The following SMURF2 variants were observed in gnomAD, a reference collection of about 807,000 sequenced individuals.
SMURF2 encodes the protein SMAD specific E3 ubiquitin protein ligase 2, also known as E3 ubiquitin-protein ligase SMURF2.
A neutral mutation model predicts 109.6 loss-of-function variants in SMURF2; 48 were observed. The observed-to-expected ratio is 0.44, with a 90% CI of 0.35 to 0.56. SMURF2 has a LOEUF of 0.56. Ranked by LOEUF, SMURF2 falls within the 20% of genes least tolerant of loss-of-function variation. The probability of loss-of-function intolerance (pLI) is 0.01; values close to 1 mark genes in which losing one functional copy is unlikely to be tolerated. For synonymous variants in SMURF2, 288 were observed against 317.1 expected (o/e 0.91, Z 0.97); for missense variants, 575 against 909.0 (o/e 0.63, Z 4.72).
In SMURF2 at chr17:64,555,006, G is replaced by C. The variant is rs781801641; in HGVS notation, c.1611-13C>G. 5.6e-6 allele frequency: 9 copies of C among 1,608,370 alleles called. No individual in the cohort carries two copies. Among genetic ancestry groups the C allele is most frequent in the South Asian group, 1.1e-5 (1 of 89,738 alleles). On this transcript the variant is annotated splice_polypyrimidine_tract_variant and intron_variant, in intron 14 of 18. Coordinates refer to ENST00000262435, the MANE Select transcript of SMURF2 (RefSeq NM_022739.4). ...AATATCATTCTCACTGGATAGGAAA[G>C]AGGAAAAGATATGTAACTGGGAAAC...
chr17:64,605,118 A>G (rs1555688915), intron 2 of SMURF2, among the ~76,000 whole-genome samples: 1 of 151,148 alleles, frequency 6.6e-6, no homozygotes, highest in African/African-American at 2.4e-5. Flanking sequence ...GTAGGAAGTG[A>G]GCAGCAGCCT....
At chr17:64,654,241 T>C (rs887898951) in intron 1 of SMURF2, among the ~76,000 whole-genome samples, 16 of 152,200 alleles carry the variant, frequency 1.1e-4, no homozygotes, top group African/African-American at 3.9e-4. Flanking sequence ...CTGCTACCAA[T>C]TTTTGTACAA....
At chr17:64,555,709 A>C in intron 14 of SMURF2, 111 bp downstream of exon 14, 1 of 668,374 alleles carries the variant, frequency 1.5e-6, no homozygotes, top group Non-Finnish European at 2.4e-6. Flanking sequence ...CTATCACTCA[A>C]ATAACCACTC....
At position 64,578,502 on chromosome 17, in the gene SMURF2, T is replaced by C; in HGVS notation, c.847A>G (p.Arg283Gly). ...AAAATACGTTCTTACCTGGGCACTC[T>C]TGGATCATGCCATGTGCTCACACCA... ...QTGVSTWHDP[R>G]VPRDLSNINC... Residue 283 changes from arginine (R) to glycine (G), a missense_variant, in exon 9 of 19, where the codon AGA (arginine) becomes GGA (glycine). Physicochemically the swap from Arg to Gly is moderately radical, Grantham distance 125. Transcript: ENST00000262435. 6.2e-7 allele frequency: 1 copy of C among 1,612,578 alleles called. No individual in the cohort carries two copies. Among genetic ancestry groups the C allele is most frequent in the Non-Finnish European group, 8.5e-7 (1 of 1,178,578 alleles).
intron 12 of SMURF2, among the ~76,000 whole-genome samples, chr17:64,559,379 A>C (rs1969176297): frequency 6.6e-6 from 1 of 152,042 alleles, no homozygotes; most frequent in African/African-American, 2.4e-5. Context: ...GCAGATCACA[A>C]GGTCAGGAGA....
At chr17:64,624,343 T>A (rs566885272) in intron 1 of SMURF2, among the ~76,000 whole-genome samples, 10 of 146,848 alleles carry the variant, frequency 6.8e-5, no homozygotes, top group South Asian at 2.2e-4. Flanking sequence ...TAAAAAAAAA[T>A]TTTTTTTTGA....
At chr17:64,635,327 AAAAT>A (rs557784291) in intron 1 of SMURF2, among the ~76,000 whole-genome samples, 3 of 152,160 alleles carry the variant, frequency 2.0e-5, no homozygotes, top group Non-Finnish European at 2.9e-5. Context: ...ACTAGGTCTC[AAAAT>A]AAATAAATAA....
intron 4 of SMURF2, among the ~76,000 whole-genome samples, chr17:64,592,403 G>A (rs1435495814): frequency 2.0e-5 from 3 of 152,120 alleles, no homozygotes; most frequent in Non-Finnish European, 4.4e-5. Context: ...AGAAATACAA[G>A]AATTTCTTAG....
intron 1 of SMURF2, among the ~76,000 whole-genome samples, chr17:64,616,654 CAA>C (rs376620328): frequency 4.7e-4 from 40 of 84,768 alleles, no homozygotes; most frequent in Admixed American, 4.7e-4. Context: ...GACTCTGTCT[CAA>C]AAAAAAAAAA....
intron 4 of SMURF2, among the ~76,000 whole-genome samples, chr17:64,592,604 G>T (rs1969765353): frequency 6.6e-6 from 1 of 151,980 alleles, no homozygotes; most frequent in Admixed American, 6.6e-5. Flanking sequence ...ATGTGAGTTT[G>T]TTTAGCATAT....
Position 64,614,201 on chromosome 17 carries a change from T to C in SMURF2, c.53-7561A>G, listed in dbSNP as rs561787616. The stretch of plus-strand genomic sequence containing the variant: ...GCCTAGACAGCAATCAGTATTTCAA[T>C]ATCTTTAATGTTTAGTAAGCTTATA... On this transcript the variant is annotated intron_variant, in intron 1 of 18. Coordinates refer to ENST00000262435, the MANE Select transcript of SMURF2 (RefSeq NM_022739.4). Among the ~76,000 whole-genome samples, 15 of 152,324 alleles carry C rather than the reference T, an allele frequency of 9.8e-5. No homozygotes were observed. In the South Asian group the frequency reaches 3.1e-3, roughly 32 times the overall value.
chr17:64,593,682 T>C (rs1969779573), intron 3 of SMURF2, 109 bp from the exon 4 acceptor site: 1 of 924,790 alleles, frequency 1.1e-6, no homozygotes, highest in Admixed American at 3.2e-5. Flanking sequence ...CTTCAGAATC[T>C]GGCTAGATTA....
At chr17:64,633,647 C>A (rs1157148709) in intron 1 of SMURF2, among the ~76,000 whole-genome samples, 1 of 152,144 alleles carries the variant, frequency 6.6e-6, no homozygotes, top group Admixed American at 6.5e-5. Flanking sequence ...TATCTTACAA[C>A]TTCAGTTGAT....
At chr17:64,551,767 A>G in intron 15 of SMURF2, 63 bp from the exon 16 acceptor site, 1 of 1,593,228 alleles carries the variant, frequency 6.3e-7, no homozygotes, top group Non-Finnish European at 8.6e-7. Flanking sequence ...AATTATTATT[A>G]TAAATCTCTA....
chr17:64,657,866 A>T (rs1970725511), intron 1 of SMURF2, among the ~76,000 whole-genome samples: 1 of 152,162 alleles, frequency 6.6e-6, no homozygotes, highest in African/African-American at 2.4e-5. Flanking sequence ...TGATGACTAA[A>T]ATACACAGAC....
rs1969496712 is a variant in SMURF2 at position 64,576,732 on chromosome 17, CAG to C, written c.857+1758_857+1759del. On this transcript the variant is annotated intron_variant, in intron 9 of 18. Transcript: ENST00000262435. ...TGGAATTTTATTAAGGAACACATAA[CAG>C]AACATTGAATGCATTTATGAGGTTA... 2.6e-5 allele frequency among the ~76,000 whole-genome samples: 4 copies of C among 152,140 alleles called. No individual in the cohort carries two copies. The South Asian group carries it at 8.3e-4, about 32-fold the overall frequency.
intron 10 of SMURF2, among the ~76,000 whole-genome samples, chr17:64,569,917 T>G (rs1969374961): frequency 2.0e-5 from 3 of 152,234 alleles, no homozygotes; most frequent in Non-Finnish European, 4.4e-5. Context: ...AAGACCCTAA[T>G]GCACAGAAAC....
In SMURF2 at chr17:64,546,257, C is replaced by A. The variant is rs1457762016; in HGVS notation, c.2147+6G>T. 4.3e-6 allele frequency: 7 copies of A among 1,613,542 alleles called. No individual in the cohort carries two copies. Among genetic ancestry groups the A allele is most frequent in the African/African-American group, 2.7e-5 (2 of 74,892 alleles). On this transcript the variant is annotated splice_donor_region_variant and intron_variant, in intron 18 of 18. Transcript: ENST00000262435. ...AATGGGGAATACAGCTACAAAAATA[C>A]CTTACCAAGTGTGGGCTTTCGGCAG...
chr17:64,614,177 C>A (rs1258345254), intron 1 of SMURF2, among the ~76,000 whole-genome samples: 1 of 151,982 alleles, frequency 6.6e-6, no homozygotes, highest in Non-Finnish European at 1.5e-5. Context: ...GGACCCCTGG[C>A]CTAGACAGCA....
Sources: gnomAD v4.1 joint callset for allele counts (sites outside exome capture counted in the v4.1 genomes callset) on GRCh38, gnomAD v4.1.1 for gene constraint, MANE v1.5 for transcripts, NCBI Gene and HGNC (gene_info 2026-07-23, HGNC 2026-07-21) for gene names.